Variants in ATP2C2 observed in about 807,000 individuals in gnomAD.
ATP2C2 encodes the protein ATPase secretory pathway Ca2+ transporting 2.
In ATP2C2, 171 loss-of-function variants were observed where a neutral mutation model predicts 110.8. The ratio of observed to expected loss-of-function variants is 1.54; its 90% CI spans 1.36 to 1.75. ATP2C2 has a LOEUF of 1.75. Among genes scored for constraint, ATP2C2 ranks in the 40% most tolerant of loss-of-function variants. The pLI, the probability that ATP2C2 is intolerant of heterozygous loss-of-function variation, is 0.00. For missense variants in ATP2C2, 1,963 were observed against 1,235.0 expected (o/e 1.59, Z -8.84); for synonymous variants, 804 against 508.4 (o/e 1.58, Z -7.82).
At chr16:84,414,208 G>T (rs1275471006) in intron 6 of ATP2C2, among the ~76,000 whole-genome samples, 1 of 152,276 alleles carries the variant, frequency 6.6e-6, no homozygotes, top group African/African-American at 2.4e-5. Context: ...GGTGCTCTTG[G>T]CTACAAGGAA....
intron 11 of ATP2C2, among the ~76,000 whole-genome samples, chr16:84,432,741 G>A (rs113306528): frequency 2.6e-5 from 4 of 151,838 alleles, no homozygotes; most frequent in Non-Finnish European, 2.9e-5. Flanking sequence ...GGCTCATCTC[G>A]AACTCCTGAC....
intron 17 of ATP2C2, among the ~76,000 whole-genome samples, chr16:84,449,973 C>T (rs1167865351): frequency 3.3e-5 from 5 of 152,206 alleles, no homozygotes; most frequent in Non-Finnish European, 2.9e-5. Context: ...GAATCCCCAC[C>T]GGGCAGAGGA....
At chr16:84,424,469 G>C (rs955170708) in intron 10 of ATP2C2, among the ~76,000 whole-genome samples, 2 of 151,942 alleles carry the variant, frequency 1.3e-5, no homozygotes, top group African/African-American at 4.8e-5. Context: ...GTAGAGACAG[G>C]GTTTTGTCAT....
chr16:84,440,419 T>A (rs1289509106), intron 13 of ATP2C2, among the ~76,000 whole-genome samples: 2 of 152,240 alleles, frequency 1.3e-5, no homozygotes, highest in Non-Finnish European at 2.9e-5. Context: ...AAATAAAGTT[T>A]CCTTGGTGTA....
intron 6 of ATP2C2, 162 bp downstream of exon 6, chr16:84,410,927 G>T: frequency 2.9e-6 from 2 of 686,818 alleles, no homozygotes; most frequent in South Asian, 3.5e-5. Flanking sequence ...CCAATAGGTC[G>T]CTGTGTGTCC....
intron 20 of ATP2C2, among the ~76,000 whole-genome samples, chr16:84,454,427 G>A (rs2150587073): frequency 6.6e-6 from 1 of 152,284 alleles, no homozygotes; most frequent in East Asian, 1.9e-4. Context: ...AAATCCCTAT[G>A]TGAGTTACTC....
chr16:84,391,945 T>C (rs1904689662), intron 1 of ATP2C2, among the ~76,000 whole-genome samples: 1 of 151,986 alleles, frequency 6.6e-6, no homozygotes, highest in South Asian at 2.1e-4. Context: ...ACTAGGATTA[T>C]ATTACGACGA....
intron 15 of ATP2C2, among the ~76,000 whole-genome samples, chr16:84,445,296 C>A (rs1382943265): frequency 6.6e-6 from 1 of 151,992 alleles, no homozygotes; most frequent in Non-Finnish European, 1.5e-5. Flanking sequence ...GCAACCTCCG[C>A]CTCCCAGGTT....
chr16:84,419,476 C>T (rs914391879), intron 7 of ATP2C2, among the ~76,000 whole-genome samples: 2 of 152,194 alleles, frequency 1.3e-5, no homozygotes, highest in East Asian at 1.9e-4. Flanking sequence ...ATTCTCCCCA[C>T]GCCAAGGTCC....
At position 84,412,388 on chromosome 16, in the gene ATP2C2, GTGTC is replaced by G. The variant is rs1348763297; in HGVS notation, c.515+1627_515+1630del. ...CATGTGTGTGTGCGTGTGTGTATAT[GTGTC>G]TGTGTGTGTCTGTGCATGTGTCTGT... On this transcript the variant is annotated intron_variant, in intron 6 of 26. Coordinates refer to ENST00000262429, the MANE Select transcript of ATP2C2 (RefSeq NM_014861.4). Among the ~76,000 whole-genome samples, 21 of 146,606 alleles carry G rather than the reference GTGTC, an allele frequency of 1.4e-4. No individual in the cohort carries two copies. In the South Asian group the frequency reaches 3.7e-3, roughly 26 times the overall value.
At chr16:84,391,346 C>T (rs896245689) in intron 1 of ATP2C2, among the ~76,000 whole-genome samples, 1 of 152,202 alleles carries the variant, frequency 6.6e-6, no homozygotes, top group Non-Finnish European at 1.5e-5. Context: ...TGCCATCTCT[C>T]GCATCTTCTG....
chr16:84,387,468 C>CAT, intron 1 of ATP2C2, among the ~76,000 whole-genome samples: 1 of 152,184 alleles, frequency 6.6e-6, no homozygotes, highest in Non-Finnish European at 1.5e-5. Context: ...GCCGAGATTG[C>CAT]GCCATTGCAC....
At chr16:84,426,971 C>T (rs998807510) in intron 11 of ATP2C2, among the ~76,000 whole-genome samples, 5 of 152,174 alleles carry the variant, frequency 3.3e-5, no homozygotes, top group Non-Finnish European at 7.3e-5. Flanking sequence ...AGTAGTTCTT[C>T]TGTGGCTATT....
At chr16:84,380,072 C>T (rs1466313237) in intron 1 of ATP2C2, among the ~76,000 whole-genome samples, 1 of 152,110 alleles carries the variant, frequency 6.6e-6, no homozygotes, top group Non-Finnish European at 1.5e-5. Flanking sequence ...TTTGGTACAC[C>T]CTGGAGCCTA....
chr16:84,402,133 A>G (rs1330716715), intron 2 of ATP2C2, among the ~76,000 whole-genome samples: 1 of 151,930 alleles, frequency 6.6e-6, no homozygotes, highest in South Asian at 2.1e-4. Flanking sequence ...GCTTTCTCTT[A>G]GCATATAGCA....
chr16:84,383,456 G>A (rs946359617), intron 1 of ATP2C2, among the ~76,000 whole-genome samples: 5 of 152,200 alleles, frequency 3.3e-5, no homozygotes, highest in African/African-American at 1.2e-4. Context: ...CGTAGTATGT[G>A]CTCAGCCAAT....
chr16:84,391,132 A>AAAAAG (rs1031717046), intron 1 of ATP2C2, among the ~76,000 whole-genome samples: 1 of 149,492 alleles, frequency 6.7e-6, no homozygotes, highest in African/African-American at 2.5e-5. Flanking sequence ...AAAAAAAAAA[A>AAAAAG]AAGAAGAAGA....
chr16:84,382,259 G>C lies in ATP2C2; in HGVS notation c.99+13545G>C, dbSNP rs929700814. Among the ~76,000 whole-genome samples, 66 of 152,104 alleles carry C rather than the reference G, an allele frequency of 4.3e-4. 1 individual carries two copies. Among genetic ancestry groups the C allele is most frequent in the African/African-American group, 1.4e-3 (59 of 41,402 alleles). On this transcript the variant is annotated intron_variant, in intron 1 of 26. Transcript: ENST00000262429. ...TGTTTGGTTTTCTGTTCCTGTGTTA[G>C]TTTGCTGAGAATGATGGTTTCCAGC...
intron 1 of ATP2C2, among the ~76,000 whole-genome samples, chr16:84,380,955 C>T (rs934537404): frequency 3.9e-5 from 6 of 151,996 alleles, no homozygotes; most frequent in East Asian, 1.9e-4. Context: ...CCGAGGCGGG[C>T]GGATCATGAG....
Sources: allele counts gnomAD v4.1 joint callset (sites outside exome capture counted in the v4.1 genomes callset), GRCh38; gene constraint gnomAD v4.1.1; transcripts MANE v1.5; gene names NCBI Gene and HGNC (gene_info 2026-07-23, HGNC 2026-07-21).